The following DCC variants were observed in gnomAD, a reference collection of about 807,000 sequenced individuals.
DCC encodes the protein netrin receptor DCC.
Under a neutral mutation model 172.5 loss-of-function variants are expected in DCC, and 58 were observed. The ratio of observed to expected loss-of-function variants is 0.34; its 90% CI spans 0.27 to 0.42. DCC has a LOEUF of 0.42. Ranked by LOEUF, DCC falls within the 10% of genes least tolerant of loss-of-function variation. The probability of loss-of-function intolerance (pLI) is 1.00; values close to 1 mark genes in which losing one functional copy is unlikely to be tolerated. For synonymous variants in DCC, 709 were observed against 644.5 expected, an observed-to-expected ratio of 1.10 and a Z score of -1.52; for missense variants, 1,740 against 1,791.0, an observed-to-expected ratio of 0.97 and a Z score of 0.51.
chr18:52,978,291 C>A (rs577828595), intron 5 of DCC, among the ~76,000 whole-genome samples: 12 of 151,902 alleles, frequency 7.9e-5, no homozygotes, highest in African/African-American at 2.9e-4. Context: ...AGAGGCAATG[C>A]TAGAGCCTTA....
rs146025970 is a variant in DCC at position 52,915,965 on chromosome 18, G to A, written c.698-7742G>A. ...CTTGAGATGCTTTCAGGGGATCTGC[G>A]AGGTCAAAGATTTATTTTAATAATA... On this transcript the variant is annotated intron_variant, in intron 3 of 28. Coordinates refer to ENST00000442544, the MANE Select transcript of DCC (RefSeq NM_005215.4). Among the ~76,000 whole-genome samples, 1,155 of 151,972 alleles carry A rather than the reference G, an allele frequency of 7.6e-3. 15 individuals are homozygous for A. Among genetic ancestry groups the A allele is most frequent in the Middle Eastern group, 0.034 (10 of 294 alleles).
chr18:52,904,120 G>A (rs2039846834), intron 2 of DCC, among the ~76,000 whole-genome samples: 1 of 152,308 alleles, frequency 6.6e-6, no homozygotes, highest in East Asian at 1.9e-4. Context: ...CAGAGCCTTA[G>A]TTTAAGAATC....
At chr18:53,098,332 C>T (rs1217293883) in intron 7 of DCC, among the ~76,000 whole-genome samples, 1 of 152,040 alleles carries the variant, frequency 6.6e-6, no homozygotes, top group East Asian at 1.9e-4. Flanking sequence ...TGCCGATTAT[C>T]CCAATAATAT....
intron 1 of DCC, among the ~76,000 whole-genome samples, chr18:52,745,337 T>A (rs548780739): frequency 4.6e-5 from 7 of 152,142 alleles, no homozygotes; most frequent in Non-Finnish European, 8.8e-5. Flanking sequence ...CTTGCTCCAA[T>A]CCAGGCCACC....
intron 1 of DCC, among the ~76,000 whole-genome samples, chr18:52,673,722 AG>A (rs976201772): frequency 4.6e-5 from 7 of 152,212 alleles, no homozygotes; most frequent in Admixed American, 1.3e-4. Context: ...AGCCATTGCC[AG>A]GTTTAGATCA....
chr18:53,009,799 A>C (rs922670716), intron 5 of DCC, among the ~76,000 whole-genome samples: 1 of 151,936 alleles, frequency 6.6e-6, no homozygotes, highest in African/African-American at 2.4e-5. Context: ...TTAAAAGTCT[A>C]ACTTTCCCAT....
At chr18:52,801,973 G>C (rs1220556953) in intron 2 of DCC, among the ~76,000 whole-genome samples, 1 of 151,692 alleles carries the variant, frequency 6.6e-6, no homozygotes, top group Non-Finnish European at 1.5e-5. Flanking sequence ...AGGGTTTTAA[G>C]CCAAGTTATT....
intron 7 of DCC, among the ~76,000 whole-genome samples, chr18:53,148,206 A>G (rs1256964448): frequency 5.9e-5 from 9 of 152,216 alleles, no homozygotes; most frequent in Admixed American, 3.9e-4. Context: ...GATCTATATC[A>G]GCAACGCATG....
At chr18:52,571,069 G>A (rs557550435) in intron 1 of DCC, among the ~76,000 whole-genome samples, 6 of 152,156 alleles carry the variant, frequency 3.9e-5, no homozygotes, top group Admixed American at 2.0e-4. Flanking sequence ...TTTATGCCAC[G>A]ATTAGTTACA....
chr18:53,393,655 G>A (rs1255613405), intron 17 of DCC, among the ~76,000 whole-genome samples: 2 of 152,180 alleles, frequency 1.3e-5, no homozygotes, highest in Non-Finnish European at 2.9e-5. Context: ...TCACAGAATG[G>A]CCATGGCGAC....
chr18:53,491,416 G>C (rs369234466), intron 26 of DCC, among the ~76,000 whole-genome samples: 1 of 151,996 alleles, frequency 6.6e-6, no homozygotes, highest in Non-Finnish European at 1.5e-5. Flanking sequence ...GAATGTACAG[G>C]TTTGTTACAT....
chr18:52,809,719 C>T (rs1370095470), intron 2 of DCC, among the ~76,000 whole-genome samples: 2 of 152,104 alleles, frequency 1.3e-5, no homozygotes, highest in Non-Finnish European at 2.9e-5. Context: ...ACCAGAAGAG[C>T]GTGCAGTTGC....
chr18:53,448,047 G>GTTTTTTTTTTTTTT (rs35238619), intron 22 of DCC, among the ~76,000 whole-genome samples: 34 of 113,728 alleles, frequency 3.0e-4, no homozygotes, highest in African/African-American at 1.1e-3. Context: ...ATTTTGATGA[G>GTTTTTTTTTTTTTT]TTTTTTTTTT....
intron 1 of DCC, among the ~76,000 whole-genome samples, chr18:52,424,783 G>A (rs541869205): frequency 2.0e-5 from 3 of 152,130 alleles, no homozygotes; most frequent in South Asian, 2.1e-4. Context: ...TTATCTGCAT[G>A]GGGTTCAGAC....
chr18:52,415,091 AT>A (rs951275574), intron 1 of DCC, among the ~76,000 whole-genome samples: 3 of 152,164 alleles, frequency 2.0e-5, no homozygotes, highest in African/African-American at 7.2e-5. Context: ...AATGGCTGAG[AT>A]TTTTTCATTA....
chr18:53,233,289 C>T (rs2056150525), intron 12 of DCC, among the ~76,000 whole-genome samples: 2 of 152,204 alleles, frequency 1.3e-5, no homozygotes, highest in South Asian at 4.1e-4. Flanking sequence ...CCTATTTCTT[C>T]ATGTAATTCA....
At chr18:53,275,856 TTTATA>T (rs1202171243) in intron 12 of DCC, among the ~76,000 whole-genome samples, 20 of 152,160 alleles carry the variant, frequency 1.3e-4, no homozygotes, top group Admixed American at 1.2e-3. Context: ...TTTTTCTGCC[TTTATA>T]TTATATCAGC....
intron 7 of DCC, among the ~76,000 whole-genome samples, chr18:53,085,695 A>T (rs2042869082): frequency 6.6e-6 from 1 of 151,984 alleles, no homozygotes; most frequent in African/African-American, 2.4e-5. Context: ...ATATAAAGCT[A>T]ACTTCTCAGG....
At chr18:53,059,761 G>A (rs938030475) in intron 5 of DCC, among the ~76,000 whole-genome samples, 7 of 151,782 alleles carry the variant, frequency 4.6e-5, no homozygotes, top group South Asian at 2.1e-4. Flanking sequence ...GGCATTATCC[G>A]AACTTCTTCT....
Sources: allele counts gnomAD v4.1 joint callset (sites outside exome capture counted in the v4.1 genomes callset), GRCh38; gene constraint gnomAD v4.1.1; transcripts MANE v1.5; gene names NCBI Gene and HGNC (gene_info 2026-07-23, HGNC 2026-07-21).